The following WDFY1 variants were observed in gnomAD, a reference collection of about 807,000 sequenced individuals.
The protein encoded by WDFY1 is WD repeat and FYVE domain containing 1.
WDFY1 carries 32 observed loss-of-function variants against 56.4 expected under a neutral mutation model. The observed-to-expected ratio is 0.57, with a 90% CI of 0.43 to 0.76. The LOEUF (loss-of-function observed/expected upper bound fraction) is 0.76. WDFY1 is among the 30% of genes least tolerant of loss of function. The pLI is 0.00. For synonymous variants in WDFY1, 192 were observed against 197.3 expected (o/e 0.97, Z 0.23); for missense variants, 480 against 545.7 (o/e 0.88, Z 1.20).
At chr2:223,935,575 TA>T (rs1694155352) in intron 1 of WDFY1, among the ~76,000 whole-genome samples, 1 of 152,212 alleles carries the variant, frequency 6.6e-6, no homozygotes, top group South Asian at 2.1e-4. Context: ...ACTAGCAGAT[TA>T]TTAAAGCTAA....
chr2:223,943,656 T>C (rs968870216), intron 1 of WDFY1, among the ~76,000 whole-genome samples: 3 of 152,220 alleles, frequency 2.0e-5, no homozygotes, highest in Non-Finnish European at 4.4e-5. Flanking sequence ...TCAATAAACA[T>C]CAGTCATTTC....
At chr2:223,933,680 G>A (rs111596873) in intron 1 of WDFY1, among the ~76,000 whole-genome samples, 2,282 of 151,846 alleles carry the variant, frequency 0.015, 62 homozygotes, top group African/African-American at 0.05. Flanking sequence ...AAATTAGCTG[G>A]GCATGGTGGC....
intron 3 of WDFY1, among the ~76,000 whole-genome samples, chr2:223,907,187 G>A (rs1051784246): frequency 4.6e-5 from 7 of 151,836 alleles, no homozygotes; most frequent in African/African-American, 1.7e-4. Flanking sequence ...ATGTTGGCCA[G>A]CCTGGTCTTG....
chr2:223,880,994 G>C (rs983907755), intron 10 of WDFY1, among the ~76,000 whole-genome samples: 10 of 152,154 alleles, frequency 6.6e-5, no homozygotes, highest in African/African-American at 2.2e-4. Flanking sequence ...AACACCAGTC[G>C]TGATGCACTA....
intron 2 of WDFY1, among the ~76,000 whole-genome samples, chr2:223,917,015 T>A (rs1045373972): frequency 2.0e-5 from 3 of 152,028 alleles, no homozygotes; most frequent in Non-Finnish European, 4.4e-5. Flanking sequence ...GGTTTCATCA[T>A]GTTGGCCAGG....
chr2:223,929,754 A>T (rs1435964229), intron 1 of WDFY1, among the ~76,000 whole-genome samples: 1 of 152,212 alleles, frequency 6.6e-6, no homozygotes, highest in African/African-American at 2.4e-5. Flanking sequence ...TTTTACACTT[A>T]AGGAAGCAGA....
intron 4 of WDFY1, among the ~76,000 whole-genome samples, chr2:223,904,685 ACT>A (rs1466247463): frequency 2.0e-5 from 3 of 152,200 alleles, no homozygotes; most frequent in Non-Finnish European, 4.4e-5. Flanking sequence ...AAACATCTAC[ACT>A]CTAATTTTTA....
At position 223,881,939 on chromosome 2, in the gene WDFY1, C is replaced by A. The variant is rs751634744; in HGVS notation, c.1064+3G>T. The A allele has an allele frequency of 6.2e-7, 1 of 1,613,328 alleles. No individual in the cohort carries two copies. The highest frequency in any genetic ancestry group is 8.5e-7 in the Non-Finnish European group (1 of 1,179,492). ...AATGAGACAAAAATATGCAAACACT[C>A]ACTCTTCATCTTTGATGGAGTCGTA... is the stretch of plus-strand genomic sequence containing the variant. On this transcript the variant is annotated splice_donor_region_variant and intron_variant, in intron 10 of 11. Transcript: ENST00000233055.
Position 223,886,318 on chromosome 2 carries a change from G to A in WDFY1, c.832-1569C>T, listed in dbSNP as rs116534143. On this transcript the variant is annotated intron_variant, in intron 8 of 11. Transcript: ENST00000233055. ...CATGCCATTGCACCCTAGTCTGGGC[G>A]ACAAGAGCAAGACTCTGTCTCAAAA... 2.1e-3 allele frequency among the ~76,000 whole-genome samples: 312 copies of A among 152,160 alleles called. 3 individuals carry two copies. The highest frequency in any genetic ancestry group is 7.3e-3 in the African/African-American group (303 of 41,526).
At chr2:223,901,024 A>G (rs933759988) in intron 5 of WDFY1, 159 bp downstream of exon 5, 3 of 904,834 alleles carry the variant, frequency 3.3e-6, no homozygotes, top group African/African-American at 4.6e-5. Flanking sequence ...AATTTTTGCA[A>G]TTACTTTCCA....
At chr2:223,916,377 A>G (rs1244460078) in intron 2 of WDFY1, among the ~76,000 whole-genome samples, 2 of 152,316 alleles carry the variant, frequency 1.3e-5, no homozygotes, top group Middle Eastern at 3.4e-3. Context: ...TGTCTTTATA[A>G]CAAACTCCAC....
rs536993248 is a variant in WDFY1 at position 223,929,728 on chromosome 2, G to A, written c.138-11718C>T. Among the ~76,000 whole-genome samples the A allele has an allele frequency of 2.6e-5, 4 of 152,328 alleles. No individual in the cohort carries two copies. The South Asian group carries it at 8.3e-4, about 32-fold the overall frequency. ...CCACATCCTGATGGCAGGGATGACA[G>A]GCGCTTCTGCCTTCATTTTACACTT... On this transcript the variant is annotated intron_variant, in intron 1 of 11. Transcript: ENST00000233055.
intron 9 of WDFY1, among the ~76,000 whole-genome samples, chr2:223,884,345 G>A (rs1171420837): frequency 1.3e-5 from 2 of 152,094 alleles, no homozygotes; most frequent in African/African-American, 2.4e-5. Context: ...ATAAAACACT[G>A]ACTTTAATAA....
intron 8 of WDFY1, among the ~76,000 whole-genome samples, chr2:223,890,580 T>C (rs1331954815): frequency 6.6e-6 from 1 of 152,216 alleles, no homozygotes; most frequent in Non-Finnish European, 1.5e-5. Flanking sequence ...GCCATCCTTA[T>C]ACTTATTATC....
intron 1 of WDFY1, among the ~76,000 whole-genome samples, chr2:223,938,206 G>A (rs190143311): frequency 2.6e-5 from 4 of 152,242 alleles, no homozygotes; most frequent in Admixed American, 1.3e-4. Context: ...CTTGGCCTAC[G>A]AGCCCCTAAT....
chr2:223,901,683 C>A (rs972616357), intron 4 of WDFY1, among the ~76,000 whole-genome samples: 1 of 149,954 alleles, frequency 6.7e-6, no homozygotes, highest in Non-Finnish European at 1.5e-5. Context: ...CTCTAAAAAA[C>A]TGTATGAACA....
chr2:223,884,586 T>C, intron 9 of WDFY1, 62 bp downstream of exon 9: 1 of 1,501,988 alleles, frequency 6.7e-7, no homozygotes, highest in Non-Finnish European at 9.2e-7. Context: ...AAACCCCAGA[T>C]TAAGTATGCA....
intron 1 of WDFY1, among the ~76,000 whole-genome samples, chr2:223,924,090 A>C (rs1245746709): frequency 5.3e-5 from 8 of 152,160 alleles, no homozygotes; most frequent in African/African-American, 4.8e-5. Context: ...TCCAAGCTCT[A>C]TTTTTAAGTT....
chr2:223,904,427 A>AT (rs11445786), intron 4 of WDFY1, among the ~76,000 whole-genome samples: 141,516 of 152,038 alleles, frequency 0.93, 65,930 homozygotes, highest in South Asian at 0.96. Flanking sequence ...AATTTTTGTT[A>AT]TTTTTAGTAG....
Sources: allele counts gnomAD v4.1 joint callset (sites outside exome capture counted in the v4.1 genomes callset), GRCh38; gene constraint gnomAD v4.1.1; transcripts MANE v1.5; gene names NCBI Gene and HGNC (gene_info 2026-07-23, HGNC 2026-07-21).